The following SCAI variants were observed in gnomAD, a reference collection of about 807,000 sequenced individuals.
SCAI encodes suppressor of cancer cell invasion.
SCAI carries 24 observed loss-of-function variants against 92.2 expected under a neutral mutation model. That is an observed-to-expected ratio of 0.26 (90% CI 0.19 to 0.37). The LOEUF (loss-of-function observed/expected upper bound fraction) is 0.37. Among genes scored for constraint, SCAI ranks in the 10% least tolerant of loss-of-function variants. The pLI is 1.00. For missense variants in SCAI, 450 were observed against 736.2 expected (o/e 0.61, Z 4.50); for synonymous variants, 261 against 258.6 (o/e 1.01, Z -0.09).
chr9:125,106,322 A>G (rs1834800056), intron 2 of SCAI, among the ~76,000 whole-genome samples: 1 of 147,854 alleles, frequency 6.8e-6, no homozygotes, highest in African/African-American at 2.5e-5. Flanking sequence ...CTAGTCATCC[A>G]GTAAAATTTT....
chr9:125,030,274 T>A (rs762875758), intron 3 of SCAI, among the ~76,000 whole-genome samples: 1 of 152,234 alleles, frequency 6.6e-6, no homozygotes, highest in Non-Finnish European at 1.5e-5. Context: ...CCTGGCCGTA[T>A]TAACTTCCTT....
At chr9:124,979,667 G>A (rs1831838595) in intron 14 of SCAI, among the ~76,000 whole-genome samples, 2 of 152,130 alleles carry the variant, frequency 1.3e-5, no homozygotes, top group Admixed American at 1.3e-4. Flanking sequence ...TAGTGCATTG[G>A]GACTAGGCGG....
chr9:125,066,025 T>A, intron 2 of SCAI: 1 of 772,614 alleles, frequency 1.3e-6, no homozygotes, highest in Non-Finnish European at 2.4e-6. Context: ...CCCCTTGAGA[T>A]TGTGAATGAC....
chr9:125,125,909 T>TACACAC (rs10554292), intron 2 of SCAI, among the ~76,000 whole-genome samples: 12,613 of 137,854 alleles, frequency 0.091, 641 homozygotes, highest in Non-Finnish European at 0.11. Context: ...TGCGTACACG[T>TACACAC]ACACACACAC....
intron 17 of SCAI, among the ~76,000 whole-genome samples, chr9:124,961,335 A>G (rs1385838640): frequency 6.6e-6 from 1 of 151,744 alleles, no homozygotes; most frequent in East Asian, 1.9e-4. Context: ...GACGTCCGCA[A>G]TTTACTTCAA....
intron 3 of SCAI, among the ~76,000 whole-genome samples, chr9:125,048,959 G>C (rs1260129573): frequency 6.6e-6 from 1 of 151,816 alleles, no homozygotes; most frequent in Non-Finnish European, 1.5e-5. Context: ...TGGTCAGACT[G>C]GTCTCAAACT....
chr9:125,064,860 C>A (rs536227700), intron 2 of SCAI, among the ~76,000 whole-genome samples: 30 of 151,886 alleles, frequency 2.0e-4, no homozygotes, highest in Admixed American at 1.8e-3. Context: ...AACAAACAAA[C>A]AAAAAAATCC....
chr9:125,009,995 C>A (rs757494910), intron 9 of SCAI, among the ~76,000 whole-genome samples: 66 of 152,286 alleles, frequency 4.3e-4, no homozygotes, highest in Non-Finnish European at 8.5e-4. Flanking sequence ...GAGACCAAGA[C>A]CATTCTGGTT....
At chr9:125,052,065 A>G (rs1034382090) in intron 3 of SCAI, among the ~76,000 whole-genome samples, 1 of 152,154 alleles carries the variant, frequency 6.6e-6, no homozygotes, top group Non-Finnish European at 1.5e-5. Flanking sequence ...TAATTAAAAT[A>G]AAAAGAACTC....
At chr9:125,048,665 C>T (rs888805919) in intron 3 of SCAI, among the ~76,000 whole-genome samples, 3 of 152,108 alleles carry the variant, frequency 2.0e-5, no homozygotes, top group African/African-American at 7.2e-5. Context: ...TAAAAACAGG[C>T]TTCTAAAGGA....
intron 13 of SCAI, among the ~76,000 whole-genome samples, chr9:124,995,954 G>A (rs1047089783): frequency 4.6e-5 from 7 of 152,062 alleles, no homozygotes; most frequent in Admixed American, 6.6e-5. Context: ...TGCTCTTTCC[G>A]ATGACTGAGT....
At chr9:125,123,699 CG>C (rs1185204204) in intron 2 of SCAI, among the ~76,000 whole-genome samples, 1 of 152,020 alleles carries the variant, frequency 6.6e-6, no homozygotes, top group Non-Finnish European at 1.5e-5. Flanking sequence ...CGCTTGAACC[CG>C]AGAGGCAGAG....
At chr9:124,995,141 AGC>A in intron 13 of SCAI, 126 bp from the exon 14 acceptor site, 7 of 620,484 alleles carry the variant, frequency 1.1e-5, no homozygotes, top group Admixed American at 6.2e-5. Flanking sequence ...AGACTAGTTA[AGC>A]AAAGGGGAAA....
chr9:125,026,960 C>A (rs576166922), intron 5 of SCAI, 50 bp from the exon 6 acceptor site: 4 of 1,117,756 alleles, frequency 3.6e-6, no homozygotes, highest in Non-Finnish European at 5.3e-6. Context: ...AGACTCTTCA[C>A]CATGGTAAAT....
chr9:125,056,887 TCA>T (rs753476163), intron 2 of SCAI, among the ~76,000 whole-genome samples: 3 of 151,778 alleles, frequency 2.0e-5, no homozygotes, highest in South Asian at 2.1e-4. Flanking sequence ...GGATATAAAA[TCA>T]CACACACACA....
rs1251792394 is a variant in SCAI at position 124,949,083 on chromosome 9, G to A, written c.*3724C>T. The A allele has an allele frequency of 6.6e-6, 1 of 152,332 alleles. No homozygotes were observed. Among genetic ancestry groups the A allele is most frequent in the Non-Finnish European group, 1.5e-5 (1 of 68,112 alleles). The allele number at this position is 152,332 out of a possible 1,614,324, so 9.4% of individuals were successfully genotyped here. A position where few individuals can be genotyped will look rare whatever the true frequency, so the allele number is the denominator to read the frequency against. ...TTATTAAACTGTATGTTTAGGCTGG[G>A]CGTGGTGGCTCATGCCTGTAATCCC... On this transcript the variant is annotated 3_prime_UTR_variant, in exon 18 of 18. Coordinates refer to ENST00000336505, the MANE Select transcript of SCAI (RefSeq NM_001144877.3). The surrounding 1 kb of genome is among the most constrained non-coding windows in gnomAD (Gnocchi z 4.0).
At chr9:125,134,342 T>C (rs752878035) in intron 2 of SCAI, among the ~76,000 whole-genome samples, 2 of 152,208 alleles carry the variant, frequency 1.3e-5, no homozygotes, top group African/African-American at 2.4e-5. Context: ...GTCTTCCCAT[T>C]AATACATGAG....
chr9:125,103,860 T>C (rs1834725999), intron 2 of SCAI, among the ~76,000 whole-genome samples: 1 of 152,194 alleles, frequency 6.6e-6, no homozygotes, highest in Admixed American at 6.5e-5. Flanking sequence ...ATCCTAGGGC[T>C]AAAAGGAAGT....
intron 17 of SCAI, among the ~76,000 whole-genome samples, chr9:124,967,680 C>T (rs1280213431): frequency 6.6e-6 from 1 of 152,018 alleles, no homozygotes; most frequent in African/African-American, 2.4e-5. Context: ...CACACACACA[C>T]GTGAATATGT....
Sources: allele counts gnomAD v4.1 joint callset (sites outside exome capture counted in the v4.1 genomes callset), GRCh38; gene constraint gnomAD v4.1.1; non-coding constraint Gnocchi (gnomAD v3.1); transcripts MANE v1.5; gene names NCBI Gene and HGNC (gene_info 2026-07-23, HGNC 2026-07-21).